Variants in TAOK3 observed in about 807,000 individuals in gnomAD.
The protein encoded by TAOK3 is serine/threonine-protein kinase TAO3.
In TAOK3, 40 loss-of-function variants were observed where a neutral mutation model predicts 120.4. The observed-to-expected ratio is 0.33, with a 90% confidence interval of 0.26 to 0.43. The LOEUF (loss-of-function observed/expected upper bound fraction) is 0.43. Ranked by LOEUF, TAOK3 falls within the 20% of genes least tolerant of loss-of-function variation. The probability of loss-of-function intolerance (pLI) is 1.00; values close to 1 mark genes in which losing one functional copy is unlikely to be tolerated. For synonymous variants in TAOK3, 355 were observed against 387.5 expected, an observed-to-expected ratio of 0.92 and a Z score of 0.99; for missense variants, 821 against 1,112.1, an observed-to-expected ratio of 0.74 and a Z score of 3.72.
intron 9 of TAOK3, among the ~76,000 whole-genome samples, chr12:118,221,863 T>A (rs1241477462): frequency 6.6e-6 from 1 of 151,266 alleles, no homozygotes; most frequent in Admixed American, 6.6e-5. Context: ...CTTGATCTCC[T>A]GACCTCATGA....
At chr12:118,187,050 T>C (rs2037119583) in intron 14 of TAOK3, among the ~76,000 whole-genome samples, 3 of 152,218 alleles carry the variant, frequency 2.0e-5, no homozygotes. Context: ...AAACAAATTT[T>C]AGGAAGACTA....
intron 9 of TAOK3, among the ~76,000 whole-genome samples, chr12:118,227,766 T>C (rs1263974737): frequency 6.6e-6 from 1 of 152,204 alleles, no homozygotes; most frequent in Non-Finnish European, 1.5e-5. Context: ...GGCATTATGT[T>C]ACAGCCACAC....
chr12:118,221,627 A>G (rs947362230), intron 9 of TAOK3, among the ~76,000 whole-genome samples: 8 of 144,260 alleles, frequency 5.5e-5, no homozygotes. Context: ...TACGGAATAC[A>G]TATAACCTTT....
intron 17 of TAOK3, among the ~76,000 whole-genome samples, chr12:118,167,594 A>G (rs1440439233): frequency 6.6e-6 from 1 of 152,042 alleles, no homozygotes; most frequent in East Asian, 1.9e-4. Flanking sequence ...AAAAAGAGTT[A>G]CAAAACAGTG....
intron 3 of TAOK3, among the ~76,000 whole-genome samples, chr12:118,251,348 C>T (rs2040742128): frequency 6.6e-6 from 1 of 152,204 alleles, no homozygotes; most frequent in African/African-American, 2.4e-5. Context: ...GTGACCACTA[C>T]AGATAAAAGG....
intron 11 of TAOK3, among the ~76,000 whole-genome samples, chr12:118,204,715 C>T (rs1002332660): frequency 3.9e-5 from 6 of 152,124 alleles, no homozygotes; most frequent in African/African-American, 1.4e-4. Flanking sequence ...AATTTTAGAA[C>T]GGGAATGCCT....
intron 1 of TAOK3, among the ~76,000 whole-genome samples, chr12:118,343,670 A>G (rs753902166): frequency 2.6e-4 from 40 of 152,198 alleles, no homozygotes; most frequent in Non-Finnish European, 4.6e-4. Flanking sequence ...CAATTTAAAT[A>G]TGAGAATTTT....
intron 1 of TAOK3, among the ~76,000 whole-genome samples, chr12:118,366,465 T>C (rs1011836992): frequency 5.3e-5 from 8 of 152,098 alleles, no homozygotes; most frequent in Non-Finnish European, 1.2e-4. Context: ...CATAAGCCAA[T>C]ATCATTAGAA....
intron 2 of TAOK3, among the ~76,000 whole-genome samples, chr12:118,264,204 C>T (rs76795586): frequency 6.6e-6 from 1 of 152,162 alleles, no homozygotes; most frequent in South Asian, 2.1e-4. Flanking sequence ...ATACACCTAT[C>T]ATATGATGTA....
intron 1 of TAOK3, among the ~76,000 whole-genome samples, chr12:118,353,681 G>C (rs2045273412): frequency 6.6e-6 from 1 of 152,110 alleles, no homozygotes; most frequent in African/African-American, 2.4e-5. Context: ...GAATGGGAAA[G>C]GTGCACGAGG....
At chr12:118,314,882 A>C (rs530732723) in intron 1 of TAOK3, among the ~76,000 whole-genome samples, 2 of 152,190 alleles carry the variant, frequency 1.3e-5, no homozygotes, top group South Asian at 4.2e-4. Context: ...GATGCGCATG[A>C]CTATTGCATG....
chr12:118,241,813 C>T (rs1057470340), intron 5 of TAOK3, among the ~76,000 whole-genome samples: 29 of 152,094 alleles, frequency 1.9e-4, no homozygotes, highest in African/African-American at 6.8e-4. Context: ...TCTATATAAT[C>T]TAAGAATAAA....
At chr12:118,165,189 A>G (rs1783529561) in intron 17 of TAOK3, among the ~76,000 whole-genome samples, 1 of 152,070 alleles carries the variant, frequency 6.6e-6, no homozygotes, top group South Asian at 2.1e-4. Context: ...TTTCTTTTTT[A>G]CAAAGCAGTA....
intron 3 of TAOK3, among the ~76,000 whole-genome samples, chr12:118,250,825 GA>G (rs1384220009): frequency 6.6e-6 from 1 of 152,218 alleles, no homozygotes; most frequent in Non-Finnish European, 1.5e-5. Flanking sequence ...GGGAGGTCAG[GA>G]AAGCCTTCCC....
chr12:118,177,448 A>G (rs1315930255), intron 15 of TAOK3, 119 bp from the exon 16 acceptor site: 2 of 617,316 alleles, frequency 3.2e-6, no homozygotes, highest in Admixed American at 7.3e-5. Context: ...ATTTTTGAAC[A>G]AATATTAAAA....
At chr12:118,199,416 C>T (rs543727904) in intron 12 of TAOK3, 159 bp from the exon 13 acceptor site, 3 of 632,688 alleles carry the variant, frequency 4.7e-6, no homozygotes, top group South Asian at 3.7e-5. Context: ...TACTCCTCCA[C>T]CATTTTCATA....
intron 17 of TAOK3, among the ~76,000 whole-genome samples, chr12:118,162,712 A>G (rs955400871): frequency 2.0e-5 from 3 of 151,520 alleles, no homozygotes; most frequent in Non-Finnish European, 4.4e-5. Flanking sequence ...TCTGCATTAC[A>G]GTCTGTTTGA....
chr12:118,346,426 G>A (rs1028561127), intron 1 of TAOK3, among the ~76,000 whole-genome samples: 4 of 152,184 alleles, frequency 2.6e-5, no homozygotes, highest in Non-Finnish European at 4.4e-5. Flanking sequence ...CAGTGTGCCT[G>A]CTAAGCTATA....
intron 19 of TAOK3, among the ~76,000 whole-genome samples, chr12:118,153,981 C>T (rs1361061410): frequency 6.6e-6 from 1 of 152,146 alleles, no homozygotes; most frequent in African/African-American, 2.4e-5. Flanking sequence ...TTAAAGAGGA[C>T]AGACAGTTCT....
Sources: gnomAD v4.1 joint callset for allele counts (sites outside exome capture counted in the v4.1 genomes callset) on GRCh38, gnomAD v4.1.1 for gene constraint, MANE v1.5 for transcripts, NCBI Gene and HGNC (gene_info 2026-07-23, HGNC 2026-07-21) for gene names.